SORBS2: variants seen among roughly 807,000 people sequenced by gnomAD.
The protein encoded by SORBS2 is sorbin and SH3 domain-containing protein 2.
A neutral mutation model predicts 97.7 loss-of-function variants in SORBS2; 46 were observed. The observed-to-expected ratio is 0.47, with a 90% CI of 0.37 to 0.60. SORBS2 has a LOEUF of 0.60. SORBS2 is among the 20% of genes least tolerant of loss of function. The probability of loss-of-function intolerance (pLI) is 0.00; values close to 1 mark genes in which losing one functional copy is unlikely to be tolerated. For synonymous variants in SORBS2, 476 were observed against 473.4 expected, an observed-to-expected ratio of 1.01 and a Z score of -0.07; for missense variants, 1,316 against 1,282.3, an observed-to-expected ratio of 1.03 and a Z score of -0.40.
At chr4:185,755,183 T>C (rs2098823387) in intron 2 of SORBS2, among the ~76,000 whole-genome samples, 1 of 152,266 alleles carries the variant, frequency 6.6e-6, no homozygotes, top group African/African-American at 2.4e-5. Context: ...GACAACAGAC[T>C]CTGTCAAACA....
intron 1 of SORBS2, among the ~76,000 whole-genome samples, chr4:185,923,472 A>AT (rs535695706): frequency 0.013 from 1,481 of 110,450 alleles, 87 homozygotes; most frequent in Middle Eastern, 0.031. Context: ...CTTTTTTTTA[A>AT]TTTTTTTTTT....
intron 1 of SORBS2, among the ~76,000 whole-genome samples, chr4:185,859,776 A>G (rs1185440311): frequency 6.6e-6 from 1 of 152,168 alleles, no homozygotes; most frequent in Non-Finnish European, 1.5e-5. Context: ...AATAAATGGG[A>G]GCATATGGCA....
intron 2 of SORBS2, among the ~76,000 whole-genome samples, chr4:185,767,847 G>A (rs1005740765): frequency 6.6e-6 from 1 of 152,100 alleles, no homozygotes; most frequent in African/African-American, 2.4e-5. Flanking sequence ...TGAGCCTGAT[G>A]GTGAGACTTT....
chr4:185,692,437 A>AGC (rs1057425413), intron 2 of SORBS2, among the ~76,000 whole-genome samples: 2 of 152,260 alleles, frequency 1.3e-5, no homozygotes, highest in Admixed American at 6.5e-5. Flanking sequence ...CTCTAAAAAG[A>AGC]GCAGCAAATG....
intron 1 of SORBS2, among the ~76,000 whole-genome samples, chr4:185,927,008 A>G (rs959762663): frequency 1.1e-4 from 17 of 151,858 alleles, no homozygotes; most frequent in Admixed American, 5.9e-4. Context: ...TTCTTATTGA[A>G]CTGCCATGCT....
chr4:185,692,821 C>T (rs1049467960), intron 2 of SORBS2, among the ~76,000 whole-genome samples: 3 of 151,810 alleles, frequency 2.0e-5, no homozygotes, highest in Non-Finnish European at 1.5e-5. Flanking sequence ...CACACACACA[C>T]GTATATTTGC....
chr4:185,669,675 A>G (rs1582317939), intron 4 of SORBS2, among the ~76,000 whole-genome samples: 1 of 152,200 alleles, frequency 6.6e-6, no homozygotes, highest in South Asian at 2.1e-4. Flanking sequence ...AATCAACATC[A>G]ATGCAAAAAA....
intron 1 of SORBS2, chr4:185,775,969 G>A (rs530387887): frequency 3.9e-5 from 6 of 152,334 alleles, no homozygotes; most frequent in African/African-American, 1.2e-4. Flanking sequence ...ACCATTCAGT[G>A]ACATGAGGCA....
At chr4:185,848,727 C>G (rs1330457639) in intron 1 of SORBS2, among the ~76,000 whole-genome samples, 1 of 146,920 alleles carries the variant, frequency 6.8e-6, no homozygotes, top group African/African-American at 2.5e-5. Context: ...ATCCCCCTAC[C>G]TCAGCCTCCC....
At chr4:185,781,667 CCTCCGGCCT>C in intron 1 of SORBS2, among the ~76,000 whole-genome samples, 1 of 60,040 alleles carries the variant, frequency 1.7e-5, no homozygotes, top group Non-Finnish European at 4.3e-5. Flanking sequence ...CCTTCCATTG[CCTCCGGCCT>C]CTCCAGCCTC....
chr4:185,631,198 GTAAA>G (rs1194235894), intron 4 of SORBS2, among the ~76,000 whole-genome samples: 1 of 152,096 alleles, frequency 6.6e-6, no homozygotes, highest in African/African-American at 2.4e-5. Flanking sequence ...CTTCAATCAG[GTAAA>G]TAGTTATACT....
intron 14 of SORBS2, 150 bp from the exon 27 acceptor site, chr4:185,587,838 G>C: frequency 1.6e-6 from 1 of 635,386 alleles, no homozygotes; most frequent in South Asian, 1.9e-5. Flanking sequence ...GAAGCCCATA[G>C]GCAGACAAAA....
chr4:185,699,028 A>T (rs1280660843), intron 2 of SORBS2, among the ~76,000 whole-genome samples: 6 of 152,286 alleles, frequency 3.9e-5, no homozygotes, highest in African/African-American at 1.4e-4. Context: ...GATTGAATAC[A>T]CCTGTTTCCT....
intron 1 of SORBS2, among the ~76,000 whole-genome samples, chr4:185,887,887 G>T (rs558821630): frequency 1.2e-4 from 18 of 151,614 alleles, no homozygotes; most frequent in African/African-American, 4.4e-4. Flanking sequence ...TTAAGTTGTT[G>T]TTGGATAGAA....
intron 4 of SORBS2, among the ~76,000 whole-genome samples, chr4:185,643,969 C>T (rs999691142): frequency 4.0e-4 from 61 of 152,196 alleles, no homozygotes; most frequent in African/African-American, 1.3e-3. Flanking sequence ...TATCAGTACG[C>T]GGCCAGTCTC....
In SORBS2 at chr4:185,690,521, A is replaced by G. The variant is rs927781341; in HGVS notation, c.-197-11699T>C. On this transcript the variant is annotated intron_variant, in intron 2 of 20. Coordinates refer to the SORBS2 transcript ENST00000284776. Reference sequence around the variant, plus strand: ...GATTTAGGGCCAACATGATTTTTAGAGAGCAAGGCTAAAAGAGTTTAAAAC... The same window carrying G: ...GATTTAGGGCCAACATGATTTTTAGGGAGCAAGGCTAAAAGAGTTTAAAAC... 1.1e-5 allele frequency: 16 copies of G among 1,395,778 alleles called. 1 individual carries two copies. The African/African-American group carries it at 1.7e-4, about 15-fold the overall frequency. 86.5% of individuals were successfully genotyped at this position (1,395,778 alleles called of 1,614,324 possible).
At chr4:185,937,164 T>C (rs2099269332) in intron 1 of SORBS2, among the ~76,000 whole-genome samples, 1 of 149,742 alleles carries the variant, frequency 6.7e-6, no homozygotes, top group African/African-American at 2.5e-5. Context: ...ATCTCGTGCT[T>C]CTGCCAGTGA....
In SORBS2 at chr4:185,607,012, G is replaced by A; in HGVS notation, c.2796+4768C>T. ...AGGCTCTGCATGGTAAGGCTGGGCTGCAGCCGAGGCCACACCCGCGTGAGT... is the reference window on the plus strand; with the variant it reads ...AGGCTCTGCATGGTAAGGCTGGGCTACAGCCGAGGCCACACCCGCGTGAGT... On this transcript the variant is annotated intron_variant, in intron 12 of 14. Coordinates refer to ENST00000418609, the Ensembl canonical transcript of SORBS2. This position sits in a 1 kb window ranked among gnomAD's most constrained non-coding sequence, Gnocchi z 5.2. 1 of 1,008,218 alleles carries A rather than the reference G, an allele frequency of 9.9e-7. No homozygotes were observed. The allele number at this position is 1,008,218 out of a possible 1,614,324, so 62.5% of individuals were successfully genotyped here.
chr4:185,751,631 A>G (rs964824337), intron 2 of SORBS2, among the ~76,000 whole-genome samples: 3 of 151,978 alleles, frequency 2.0e-5, no homozygotes, highest in Non-Finnish European at 4.4e-5. Flanking sequence ...CATACTGACC[A>G]CAACAGAGAC....
Sources: allele counts gnomAD v4.1 joint callset (sites outside exome capture counted in the v4.1 genomes callset), GRCh38; gene constraint gnomAD v4.1.1; non-coding constraint Gnocchi (gnomAD v3.1); transcripts MANE v1.5; gene names NCBI Gene and HGNC (gene_info 2026-07-23, HGNC 2026-07-21).